GOLGA8A: variants seen among roughly 807,000 people sequenced by gnomAD.
GOLGA8A encodes golgin A8 family member A, also known as golgin subfamily A member 8A.
In GOLGA8A, 3 loss-of-function variants were observed where a neutral mutation model predicts 22.1. The ratio of observed to expected loss-of-function variants is 0.14; its 90% CI spans 0.06 to 0.35. GOLGA8A has a LOEUF of 0.35. Ranked by LOEUF, GOLGA8A falls within the 10% of genes least tolerant of loss-of-function variation. The probability of loss-of-function intolerance (pLI) is 1.00; values close to 1 mark genes in which losing one functional copy is unlikely to be tolerated. For missense variants in GOLGA8A, 16 were observed against 233.2 expected (o/e 0.07, Z 6.07); for synonymous variants, 7 against 91.7 (o/e 0.08, Z 5.28).
rs958569672 is a variant in GOLGA8A at position 34,437,461 on chromosome 15, GCCGCCGTCC to G, written c.-1284_-1276del. ...CTCGCCGCGCCGCCGTCCTCGCCGC[GCCGCCGTCC>G]TCGCCGCGCCGCCGTCCTCGCCGCG... On this transcript the variant is annotated 5_prime_UTR_variant, in exon 1 of 25. Coordinates refer to ENST00000359187, the MANE Select transcript of GOLGA8A (RefSeq NM_181077.5). 4.0e-5 allele frequency: 5 copies of G among 125,492 alleles called. No homozygotes were observed. The highest frequency in any genetic ancestry group is 7.0e-5 in the Non-Finnish European group (4 of 57,532). The allele number at this position is 125,492 out of a possible 1,614,324, so 7.8% of individuals were successfully genotyped here.
chr15:34,436,711 T>G (rs79362993), intron 1 of GOLGA8A, among the ~76,000 whole-genome samples: 14,112 of 149,290 alleles, frequency 0.095, 1,791 homozygotes, highest in South Asian at 0.25. Context: ...GGGGCCTCGA[T>G]GTTCTCCTTC....
At position 34,437,414 on chromosome 15, in the gene GOLGA8A, GC is replaced by G. The variant is rs1403360554; in HGVS notation, c.-1229del. On this transcript the variant is annotated 5_prime_UTR_variant, in exon 1 of 25. Coordinates refer to ENST00000359187, the MANE Select transcript of GOLGA8A (RefSeq NM_181077.5). ...CCAGCTTACCTGGCCAGGGCGCGGGGCTGCCCCGGTCCGCCGCCGTCCTCGC... is the reference window on the plus strand; with the variant it reads ...CCAGCTTACCTGGCCAGGGCGCGGGGTGCCCCGGTCCGCCGCCGTCCTCGC... 7.1e-6 allele frequency: 1 copy of G among 141,186 alleles called. No individual in the cohort carries two copies. Among genetic ancestry groups the G allele is most frequent in the East Asian group, 2.1e-4 (1 of 4,764 alleles). 8.7% of individuals were successfully genotyped at this position (141,186 alleles called of 1,614,324 possible).
At chr15:34,431,619 C>A (rs117299899) in intron 2 of GOLGA8A, among the ~76,000 whole-genome samples, 13,803 of 147,194 alleles carry the variant, frequency 0.094, 1,664 homozygotes, top group South Asian at 0.25. Flanking sequence ...AAAGGCACAA[C>A]GTTAAAATAT....
At chr15:34,427,407 G>GT (rs572268192) in intron 2 of GOLGA8A, among the ~76,000 whole-genome samples, 5 of 145,854 alleles carry the variant, frequency 3.4e-5, no homozygotes, top group African/African-American at 1.0e-4. Flanking sequence ...AATCGAGTCC[G>GT]TTTTTTCTGA....
intron 2 of GOLGA8A, among the ~76,000 whole-genome samples, chr15:34,426,426 C>T (rs1202575124): frequency 1.4e-5 from 2 of 147,162 alleles, no homozygotes; most frequent in African/African-American, 2.5e-5. Flanking sequence ...CGGGAGGAAT[C>T]GCCACCAAAC....
intron 1 of GOLGA8A, among the ~76,000 whole-genome samples, chr15:34,436,297 G>A (rs1382266014): frequency 6.7e-6 from 1 of 149,424 alleles, no homozygotes; most frequent in African/African-American, 2.5e-5. Flanking sequence ...AAGGAAAATA[G>A]AAAAACAAAC....
At chr15:34,411,251 T>C (rs1264333947) in intron 2 of GOLGA8A, among the ~76,000 whole-genome samples, 2 of 41,516 alleles carry the variant, frequency 4.8e-5, no homozygotes, top group Admixed American at 3.0e-4. Flanking sequence ...TGCATTCTAA[T>C]AAACACATTT....
chr15:34,431,300 TATATATATATAC>T (rs200641171), intron 2 of GOLGA8A, among the ~76,000 whole-genome samples: 1,553 of 13,128 alleles, frequency 0.12, 109 homozygotes, highest in East Asian at 0.27. Context: ...ATTATATATA[TATATATATATAC>T]ATATATATAT....
chr15:34,386,315 T>A (rs1450601327), intron 12 of GOLGA8A, among the ~76,000 whole-genome samples: 1 of 139,564 alleles, frequency 7.2e-6, no homozygotes, highest in Non-Finnish European at 1.5e-5. Flanking sequence ...AATTAGGGAC[T>A]GAGTCATGGC....
In GOLGA8A at chr15:34,379,450, A is replaced by AT. The variant is rs1346805620; in HGVS notation, c.*1960dup. 1 of 152,586 alleles carries AT rather than the reference A, an allele frequency of 6.6e-6. No individual in the cohort carries two copies. Among genetic ancestry groups the AT allele is most frequent in the Non-Finnish European group, 1.5e-5 (1 of 68,036 alleles). 9.5% of individuals were successfully genotyped at this position (152,586 alleles called of 1,614,324 possible). ...AATTAGCCGCATTATTTGGTCTAAC[A>AT]TTTTTTATCATTCTGAAACTGGATT... On this transcript the variant is annotated 3_prime_UTR_variant, in exon 25 of 25. Transcript: ENST00000359187.
In GOLGA8A at chr15:34,437,421, C is replaced by T. The variant is rs1462301618; in HGVS notation, c.-1235G>A. On this transcript the variant is annotated 5_prime_UTR_variant, in exon 1 of 25. Coordinates refer to ENST00000359187, the MANE Select transcript of GOLGA8A (RefSeq NM_181077.5). ...ACCTGGCCAGGGCGCGGGGCTGCCC[C>T]GGTCCGCCGCCGTCCTCGCCGCGCC... The T allele has an allele frequency of 1.4e-5, 2 of 141,294 alleles. No individual in the cohort carries two copies. Among genetic ancestry groups the T allele is most frequent in the Non-Finnish European group, 3.1e-5 (2 of 63,806 alleles). The allele number at this position is 141,294 out of a possible 1,614,324, so 8.8% of individuals were successfully genotyped here.
intron 2 of GOLGA8A, among the ~76,000 whole-genome samples, chr15:34,426,250 G>A (rs1292414073): frequency 1.3e-5 from 2 of 149,792 alleles, no homozygotes; most frequent in African/African-American, 2.5e-5. Context: ...TCAGAATAAC[G>A]CTGCTTGCGC....
At chr15:34,429,096 G>A (rs1199805381) in intron 2 of GOLGA8A, among the ~76,000 whole-genome samples, 1 of 140,102 alleles carries the variant, frequency 7.1e-6, no homozygotes, top group Non-Finnish European at 1.5e-5. Context: ...CCCACCCCAT[G>A]TCACATCTTC....
chr15:34,432,878 C>A (rs1247616023), intron 2 of GOLGA8A, among the ~76,000 whole-genome samples: 7 of 149,108 alleles, frequency 4.7e-5, no homozygotes, highest in African/African-American at 1.7e-4. Flanking sequence ...TTAAAACTCC[C>A]AGGACAATAA....
At position 34,381,136 on chromosome 15, in the gene GOLGA8A, G is replaced by C; in HGVS notation, c.*275C>G. ...CTTTGTGTGTTTGAACTCCCACCAC[G>C]TAAGGGCAAACTCGATATGCATGCT... On this transcript the variant is annotated 3_prime_UTR_variant, in exon 25 of 25. Transcript: ENST00000359187. The C allele has an allele frequency of 3.8e-6, 2 of 520,376 alleles. No homozygotes were observed. The highest frequency in any genetic ancestry group is 3.2e-5 in the Admixed American group (1 of 31,580). The allele number at this position is 520,376 out of a possible 1,614,324, so 32.2% of individuals were successfully genotyped here.
chr15:34,425,302 A>G (rs999109349), intron 2 of GOLGA8A, among the ~76,000 whole-genome samples: 1 of 148,284 alleles, frequency 6.7e-6, no homozygotes, highest in Non-Finnish European at 1.5e-5. Flanking sequence ...AGAAACACTC[A>G]GAACACAGCA....
chr15:34,399,355 T>TG (rs147734195), intron 6 of GOLGA8A, among the ~76,000 whole-genome samples, 152 bp from the exon 7 acceptor site: 11,453 of 94,614 alleles, frequency 0.12, 25 homozygotes, highest in Admixed American at 0.27. Flanking sequence ...TACAGGACTA[T>TG]GGGTAACTTA....
intron 2 of GOLGA8A, among the ~76,000 whole-genome samples, chr15:34,426,436 CTG>C (rs1299311509): frequency 6.8e-6 from 1 of 147,442 alleles, no homozygotes; most frequent in Non-Finnish European, 1.5e-5. Flanking sequence ...CGCCACCAAA[CTG>C]TGAACAATGA....
At chr15:34,431,777 T>C (rs1161711295) in intron 2 of GOLGA8A, among the ~76,000 whole-genome samples, 1 of 148,464 alleles carries the variant, frequency 6.7e-6, no homozygotes, top group Non-Finnish European at 1.5e-5. Context: ...TAAAAAAATA[T>C]ATTTTTATTT....
Sources: gnomAD v4.1 joint callset for allele counts (sites outside exome capture counted in the v4.1 genomes callset) on GRCh38, gnomAD v4.1.1 for gene constraint, MANE v1.5 for transcripts, NCBI Gene and HGNC (gene_info 2026-07-23, HGNC 2026-07-21) for gene names.